Variants in MLLT10 observed in about 807,000 individuals in gnomAD.
MLLT10 encodes protein AF-10.
In MLLT10, 30 loss-of-function variants were observed where a neutral mutation model predicts 129.1. The observed-to-expected ratio is 0.23, with a 90% CI of 0.17 to 0.32. The LOEUF (loss-of-function observed/expected upper bound fraction) is 0.32. Among genes scored for constraint, MLLT10 ranks in the 10% least tolerant of loss-of-function variants. The pLI is 1.00. For synonymous variants in MLLT10, 490 were observed against 446.4 expected (o/e 1.10, Z -1.23); for missense variants, 1,119 against 1,268.3 (o/e 0.88, Z 1.79).
intron 13 of MLLT10, among the ~76,000 whole-genome samples, chr10:21,712,943 C>G (rs1459075938): frequency 6.6e-6 from 1 of 152,136 alleles, no homozygotes; most frequent in Admixed American, 6.5e-5. Context: ...TAACTTGTTT[C>G]CTGTTAACTT....
chr10:21,578,079 G>T, intron 3 of MLLT10, among the ~76,000 whole-genome samples: 1 of 151,798 alleles, frequency 6.6e-6, no homozygotes. Context: ...AATTTTAGAA[G>T]AGTTGGAGTT....
At chr10:21,591,052 T>C (rs1165129456) in intron 4 of MLLT10, among the ~76,000 whole-genome samples, 1 of 152,152 alleles carries the variant, frequency 6.6e-6, no homozygotes, top group African/African-American at 2.4e-5. Context: ...TTGTTTTTGT[T>C]TTTGTTTTTG....
chr10:21,625,616 A>T lies in MLLT10; in HGVS notation c.699+8409A>T, dbSNP rs569890007. 3 of 757,074 alleles carry T rather than the reference A, an allele frequency of 4.0e-6. No homozygotes were observed. In the East Asian group the frequency reaches 7.4e-5, roughly 19 times the overall value. The allele number at this position is 757,074 out of a possible 1,614,324, so 46.9% of individuals were successfully genotyped here. The stretch of plus-strand genomic sequence containing the variant: ...TTTGTCATCAGGTTGATCATAGAGA[A>T]TGACGTCCACCAAACCCTCTGTGAC... On this transcript the variant is annotated intron_variant, in intron 8 of 22. Transcript: ENST00000307729.
intron 21 of MLLT10, among the ~76,000 whole-genome samples, chr10:21,739,437 C>T (rs2058651150): frequency 1.3e-5 from 2 of 152,168 alleles, no homozygotes; most frequent in African/African-American, 4.8e-5. Flanking sequence ...ACAACCTGAC[C>T]ATTAAACCCT....
chr10:21,635,791 A>G (rs1027848515), intron 8 of MLLT10, among the ~76,000 whole-genome samples: 1 of 151,208 alleles, frequency 6.6e-6, no homozygotes, highest in Non-Finnish European at 1.5e-5. Flanking sequence ...CAATGGTGCA[A>G]TCTCAGCTCA....
At chr10:21,624,940 C>T (rs2046284660) in intron 8 of MLLT10, 14 of 1,312,448 alleles carry the variant, frequency 1.1e-5, no homozygotes, top group East Asian at 2.3e-5. Context: ...GGTGGTGCTC[C>T]CCTCCCCCTT....
chr10:21,733,151 AAGTG>A (rs1328824014), intron 18 of MLLT10, 64 bp downstream of exon 18: 8 of 1,455,290 alleles, frequency 5.5e-6, no homozygotes, highest in African/African-American at 4.3e-5. Flanking sequence ...TTTGTATTAT[AAGTG>A]AGTAATAATT....
intron 6 of MLLT10, among the ~76,000 whole-genome samples, chr10:21,613,177 A>G (rs1006325949): frequency 7.0e-6 from 1 of 142,312 alleles, no homozygotes. Context: ...CTGGCGACAA[A>G]CCAAGACTCT....
At chr10:21,584,577 G>A (rs1468360686) in intron 3 of MLLT10, among the ~76,000 whole-genome samples, 1 of 152,120 alleles carries the variant, frequency 6.6e-6, no homozygotes. Context: ...GCCTCCCAAA[G>A]TGCTGCGATT....
intron 3 of MLLT10, chr10:21,541,339 T>C (rs1471925491): frequency 6.6e-6 from 1 of 151,994 alleles, no homozygotes; most frequent in Admixed American, 6.6e-5. Context: ...TGCCGCAGCT[T>C]CCTGAGTAGC....
chr10:21,674,754 C>T (rs572572192), intron 11 of MLLT10, among the ~76,000 whole-genome samples: 5 of 152,096 alleles, frequency 3.3e-5, no homozygotes, highest in Admixed American at 1.3e-4. Context: ...TGAAACCTTT[C>T]TTCTAGTTTT....
At chr10:21,562,818 G>GTT (rs1163404490) in intron 3 of MLLT10, among the ~76,000 whole-genome samples, 24 of 82,584 alleles carry the variant, frequency 2.9e-4, no homozygotes, top group Non-Finnish European at 4.3e-4. Flanking sequence ...TGTTTTTTTT[G>GTT]TTTTTTTTTT....
At chr10:21,651,900 TTTC>T in intron 9 of MLLT10, 132 bp downstream of exon 9, 22 of 411,782 alleles carry the variant, frequency 5.3e-5, no homozygotes, top group Admixed American at 8.1e-5. Flanking sequence ...AGAATTCTCA[TTTC>T]TTTTTTTTTT....
chr10:21,714,206 A>T (rs1285762655), intron 14 of MLLT10, among the ~76,000 whole-genome samples: 1 of 152,148 alleles, frequency 6.6e-6, no homozygotes, highest in Non-Finnish European at 1.5e-5. Flanking sequence ...TATAAAATAT[A>T]CTTTCAGGGG....
rs1021278392 is a variant in MLLT10 at position 21,727,920 on chromosome 10, C to A, written c.2055C>A (p.Leu685=). The A allele has an allele frequency of 6.2e-7, 1 of 1,613,828 alleles. No homozygotes were observed. Among genetic ancestry groups the A allele is most frequent in the African/African-American group, 1.3e-5 (1 of 74,898 alleles). ...VGRGSSPRGS[L]SPRSPVSSLQ... is the part of the protein sequence containing the mutation. ...GAGGAAGCTCACCCCGAGGAAGTCT[C>A]TCGCCACGGTAAGCGCTATTTACAC... The change falls in exon 16 of 23, where the codon CTC becomes CTA. Residue 685 remains leucine, a synonymous_variant. Coordinates refer to ENST00000307729, the MANE Select transcript of MLLT10 (RefSeq NM_001195626.3).
chr10:21,580,257 T>C (rs943192752), intron 3 of MLLT10, among the ~76,000 whole-genome samples: 6 of 152,102 alleles, frequency 3.9e-5, no homozygotes, highest in Admixed American at 1.3e-4. Context: ...AGTGGGCAGA[T>C]TTAATTAGCA....
At chr10:21,649,852 A>G (rs557079895) in intron 8 of MLLT10, among the ~76,000 whole-genome samples, 5 of 152,296 alleles carry the variant, frequency 3.3e-5, no homozygotes, top group Admixed American at 1.3e-4. Flanking sequence ...CCCAGGTTCA[A>G]GGGAGTGGAG....
At chr10:21,660,871 CAAAAAAAA>C (rs770411226) in intron 9 of MLLT10, among the ~76,000 whole-genome samples, 4 of 81,414 alleles carry the variant, frequency 4.9e-5, no homozygotes, top group South Asian at 4.4e-4. Context: ...AACTCTGTCT[CAAAAAAAA>C]AAAAAAAAAA....
intron 8 of MLLT10, chr10:21,626,211 A>G (rs1454251191): frequency 5.6e-6 from 9 of 1,598,396 alleles, no homozygotes; most frequent in Non-Finnish European, 7.7e-6. Flanking sequence ...TGTAGTACAG[A>G]CAGAGCTCCT....
Sources: gnomAD v4.1 joint callset for allele counts (sites outside exome capture counted in the v4.1 genomes callset) on GRCh38, gnomAD v4.1.1 for gene constraint, MANE v1.5 for transcripts, NCBI Gene and HGNC (gene_info 2026-07-23, HGNC 2026-07-21) for gene names.